The following CEP192 variants were observed in gnomAD, a reference collection of about 807,000 sequenced individuals.
CEP192 encodes centrosomal protein of 192 kDa.
In CEP192, 151 loss-of-function variants were observed where a neutral mutation model predicts 271.8. That is an observed-to-expected ratio of 0.56 (90% CI 0.49 to 0.64). CEP192 has a LOEUF of 0.64. Among genes scored for constraint, CEP192 ranks in the 30% least tolerant of loss-of-function variants. CEP192 has a pLI of 0.00. For synonymous variants in CEP192, 995 were observed against 1,076.5 expected (o/e 0.92, Z 1.48); for missense variants, 2,910 against 3,020.5 (o/e 0.96, Z 0.86).
chr18:13,022,853 A>C (rs1445891639), intron 9 of CEP192, among the ~76,000 whole-genome samples: 5 of 151,928 alleles, frequency 3.3e-5, no homozygotes, highest in Non-Finnish European at 7.4e-5. Flanking sequence ...GTTTTCTTTT[A>C]TTTCTTTCTC....
chr18:13,071,060 G>T lies in CEP192; in HGVS notation c.5196G>T (p.Gln1732His). ...TTAGGATCTTGAAAATATTTGTGCA[G>T]CCATTTGGACCTCAGTATGAGGTAG... is the stretch of plus-strand genomic sequence containing the variant. ...CEERILKIFV[Q>H]PFGPQYEVVL... Residue 1732 changes from glutamine (Q) to histidine (H), a missense_variant, in exon 28 of 45, where the codon CAG becomes CAT. Transcript: ENST00000506447. 6.2e-7 allele frequency: 1 copy of T among 1,613,392 alleles called. No individual in the cohort carries two copies. Among genetic ancestry groups the T allele is most frequent in the Non-Finnish European group, 8.5e-7 (1 of 1,179,680 alleles).
intron 3 of CEP192, among the ~76,000 whole-genome samples, chr18:13,003,461 A>T: frequency 6.6e-6 from 1 of 151,402 alleles, no homozygotes. Context: ...GAAAAAAAAA[A>T]AAAAAAAAAA....
chr18:13,057,215 C>T (rs1281012312), intron 19 of CEP192, among the ~76,000 whole-genome samples: 1 of 150,912 alleles, frequency 6.6e-6, no homozygotes, highest in Admixed American at 6.6e-5. Flanking sequence ...TGATACGTGT[C>T]CACATCTGGA....
intron 39 of CEP192, among the ~76,000 whole-genome samples, chr18:13,104,520 G>C (rs751948320): frequency 6.6e-6 from 1 of 152,188 alleles, no homozygotes; most frequent in Non-Finnish European, 1.5e-5. Context: ...GCTGAGGTGG[G>C]AGGATCGCTT....
chr18:13,124,604 C>T lies in CEP192; in HGVS notation c.7476-28C>T, dbSNP rs773583620. ...GGGTCACGGGTGCTGTCATGACATG[C>T]TGCTGTCATGTGCCTCTCTCTTTCC... On this transcript the variant is annotated intron_variant, in intron 44 of 44. Coordinates refer to ENST00000506447, the MANE Select transcript of CEP192 (RefSeq NM_032142.4). The T allele has an allele frequency of 3.8e-6, 6 of 1,595,730 alleles. No individual in the cohort carries two copies. In the South Asian group the frequency reaches 4.4e-5, roughly 12 times the overall value.
intron 18 of CEP192, among the ~76,000 whole-genome samples, chr18:13,054,690 T>C (rs1047306153): frequency 6.6e-6 from 1 of 152,240 alleles, no homozygotes; most frequent in African/African-American, 2.4e-5. Context: ...ACTGGATACA[T>C]ATTATTTGTT....
intron 2 of CEP192, among the ~76,000 whole-genome samples, chr18:13,000,032 A>G (rs1241302458): frequency 6.9e-6 from 1 of 144,772 alleles, no homozygotes; most frequent in Non-Finnish European, 1.5e-5. Flanking sequence ...GGAAGCCATC[A>G]GGACTTGGGT....
chr18:12,997,740 G>T lies in CEP192; in HGVS notation c.-4-1681G>T, dbSNP rs555707467. Reference sequence around the variant, plus strand: ...AACAAGTAAGTTCTTCTTATTTTTGGGGGGGATAGAGTCTCGCTCCATCAC... The same window carrying T: ...AACAAGTAAGTTCTTCTTATTTTTGTGGGGGATAGAGTCTCGCTCCATCAC... On this transcript the variant is annotated intron_variant, in intron 1 of 44. Transcript: ENST00000506447. Among the ~76,000 whole-genome samples the T allele has an allele frequency of 5.3e-5, 8 of 151,940 alleles. 1 individual carries two copies. The highest frequency in any genetic ancestry group is 6.8e-3 in the Middle Eastern group (2 of 294).
In CEP192 at chr18:13,019,140, C is replaced by G. The variant is rs747319531; in HGVS notation, c.984C>G (p.Ser328=). The part of the protein sequence containing the change: ...RRYTDGMLPF[S]SGTWGTEKEI... ...ACACAGATGGTATGTTACCATTTTC[C>G]TCTGGTACTTGGGGAACTGAGAAAG... Residue 328 remains serine (S), a synonymous_variant, in exon 9 of 45, where the codon TCC becomes TCG. Coordinates refer to ENST00000506447, the MANE Select transcript of CEP192 (RefSeq NM_032142.4). 4 of 1,544,456 alleles carry G rather than the reference C, an allele frequency of 2.6e-6. No homozygotes were observed. The highest frequency in any genetic ancestry group is 3.5e-6 in the Non-Finnish European group (4 of 1,143,504).
chr18:13,032,591 A>T (rs566569155), intron 11 of CEP192, among the ~76,000 whole-genome samples: 2 of 152,304 alleles, frequency 1.3e-5, no homozygotes, highest in Admixed American at 1.3e-4. Context: ...AGTGTCTTGT[A>T]AGGGTGAACT....
chr18:13,047,381 C>T (rs1395910642), intron 15 of CEP192, among the ~76,000 whole-genome samples: 1 of 151,800 alleles, frequency 6.6e-6, no homozygotes, highest in Admixed American at 6.6e-5. Context: ...ACACACACCT[C>T]CTAACCCCCC....
intron 36 of CEP192, 39 bp downstream of exon 36, chr18:13,096,346 G>A (rs1384691302): frequency 1.9e-6 from 3 of 1,588,904 alleles, no homozygotes; most frequent in African/African-American, 2.7e-5. Flanking sequence ...TGTTACTTAG[G>A]TGCTGGCTTG....
chr18:13,119,741 A>G (rs1164375740), intron 44 of CEP192, among the ~76,000 whole-genome samples: 2 of 152,240 alleles, frequency 1.3e-5, no homozygotes, highest in African/African-American at 4.8e-5. Context: ...TTCTGTCTCA[A>G]AAATAAATAA....
intron 44 of CEP192, among the ~76,000 whole-genome samples, chr18:13,118,798 A>G (rs1172793915): frequency 6.6e-6 from 1 of 151,994 alleles, no homozygotes; most frequent in Non-Finnish European, 1.5e-5. Context: ...TCAGGTGTTA[A>G]CATCATCATC....
chr18:13,040,943 T>C lies in CEP192; in HGVS notation c.1923T>C (p.His641=). Residue 641 remains histidine (H), a synonymous_variant, in exon 14 of 45, where the codon CAT becomes CAC. Coordinates refer to ENST00000506447, the MANE Select transcript of CEP192 (RefSeq NM_032142.4). ...AAAAAGAAATGGCTCATCTTAACCA[T>C]GATCTATATTCAGGTAATGGATTCA... The part of the protein sequence containing the change: ...NLEKEMAHLN[H]DLYSGDLNEQ... The C allele has an allele frequency of 6.2e-7, 1 of 1,609,532 alleles. No homozygotes were observed. The highest frequency in any genetic ancestry group is 8.5e-7 in the Non-Finnish European group (1 of 1,178,238).
chr18:13,080,687 G>A (rs2038554637), intron 30 of CEP192, among the ~76,000 whole-genome samples: 1 of 152,176 alleles, frequency 6.6e-6, no homozygotes, highest in African/African-American at 2.4e-5. Flanking sequence ...GAATAGAAAT[G>A]GTGAGAGAGG....
intron 14 of CEP192, 43 bp from the exon 15 acceptor site, chr18:13,042,161 A>C (rs2036242215): frequency 3.3e-6 from 5 of 1,537,740 alleles, no homozygotes; most frequent in African/African-American, 1.4e-5. Flanking sequence ...GTGTTTGTCA[A>C]ATAGTGTATA....
chr18:13,095,665 G>C lies in CEP192; in HGVS notation c.6417G>C (p.Leu2139=), dbSNP rs755277024. 8.1e-6 allele frequency: 13 copies of C among 1,612,538 alleles called. 1 individual carries two copies. In the South Asian group the frequency reaches 1.2e-4, roughly 15 times the overall value. The stretch of plus-strand genomic sequence containing the variant: ...CTGTCCTACCCGAGCACTTGATTCT[G>C]GTAGCTCCTTCTCCTTGTGAGTATG... The part of the protein sequence containing the change: ...PWTVLPEHLI[L]VAPSPCDMAK... The change falls in exon 35 of 45, where the codon CTG becomes CTC. Residue 2139 remains leucine, a synonymous_variant. Coordinates refer to ENST00000506447, the MANE Select transcript of CEP192 (RefSeq NM_032142.4).
chr18:13,057,784 G>A, intron 20 of CEP192, 51 bp downstream of exon 20: 2 of 1,568,438 alleles, frequency 1.3e-6, no homozygotes, highest in South Asian at 1.1e-5. Context: ...TTGTGATTAG[G>A]TGCTTGATTT....
Sources: gnomAD v4.1 joint callset for allele counts (sites outside exome capture counted in the v4.1 genomes callset) on GRCh38, gnomAD v4.1.1 for gene constraint, MANE v1.5 for transcripts, NCBI Gene and HGNC (gene_info 2026-07-23, HGNC 2026-07-21) for gene names.